GNB5: variants seen among roughly 807,000 people sequenced by gnomAD.
GNB5 encodes the protein guanine nucleotide-binding protein subunit beta-5.
Under a neutral mutation model 55.3 loss-of-function variants are expected in GNB5, and 37 were observed. The observed-to-expected ratio is 0.67, with a 90% CI of 0.51 to 0.88. GNB5 has a LOEUF of 0.88. GNB5 is among the 40% of genes least tolerant of loss of function. The probability of loss-of-function intolerance (pLI) is 0.00; values close to 1 mark genes in which losing one functional copy is unlikely to be tolerated. For missense variants in GNB5, 476 were observed against 515.3 expected (o/e 0.92, Z 0.74); for synonymous variants, 219 against 198.5 (o/e 1.10, Z -0.87).
intron 7 of GNB5, chr15:52,138,020 A>C (rs1284066431): frequency 8.7e-7 from 1 of 1,151,850 alleles, no homozygotes; most frequent in African/African-American, 1.6e-5. Flanking sequence ...CCACACCTTC[A>C]ATTTCCAGCT....
At chr15:52,125,748 C>A in intron 11 of GNB5, 200 bp downstream of exon 11, 1 of 556,430 alleles carries the variant, frequency 1.8e-6, no homozygotes, top group Non-Finnish European at 3.2e-6. Flanking sequence ...TCATTTCCCC[C>A]TGGAGTGAAG....
chr15:52,124,797 T>TC (rs1341621618), intron 11 of GNB5, 158 bp from the exon 12 acceptor site: 1 of 618,246 alleles, frequency 1.6e-6, no homozygotes, highest in East Asian at 2.7e-5. Flanking sequence ...GAAAGCACAG[T>TC]CCCTGTCCCT....
intron 3 of GNB5, among the ~76,000 whole-genome samples, chr15:52,157,642 C>T (rs1057356565): frequency 3.3e-5 from 5 of 152,080 alleles, no homozygotes; most frequent in African/African-American, 7.2e-5. Flanking sequence ...ATTGCTGCTT[C>T]CCCCAATTCA....
intron 2 of GNB5, among the ~76,000 whole-genome samples, chr15:52,183,635 G>GT (rs2034805176): frequency 6.6e-6 from 1 of 152,200 alleles, no homozygotes; most frequent in Non-Finnish European, 1.5e-5. Context: ...TAGATAAAAT[G>GT]TAAAAGTCAT....
chr15:52,133,431 G>C lies in GNB5; in HGVS notation c.810C>G (p.Ser270=). 1 of 1,613,184 alleles carries C rather than the reference G, an allele frequency of 6.2e-7. No individual in the cohort carries two copies. Among genetic ancestry groups the C allele is most frequent in the Non-Finnish European group, 8.5e-7 (1 of 1,179,118 alleles). ...TTTCAAAGGCCTGCACGCACTGGCC[G>C]GAGCGCATGTCCCACACCATGGCTT... ...DKKAMVWDMR[S]GQCVQAFETH... is the part of the protein sequence containing the mutation. Residue 270 remains serine (S), a synonymous_variant, in exon 9 of 13, where the codon TCC becomes TCG. Transcript: ENST00000261837.
chr15:52,189,956 T>C (rs2034895959), intron 1 of GNB5, among the ~76,000 whole-genome samples: 1 of 151,962 alleles, frequency 6.6e-6, no homozygotes, highest in Non-Finnish European at 1.5e-5. Flanking sequence ...AGTGGCTGCT[T>C]AAGGGGTATG....
chr15:52,139,490 G>C (rs2033802141), intron 7 of GNB5: 1 of 160,762 alleles, frequency 6.2e-6, no homozygotes, highest in Non-Finnish European at 1.4e-5. Context: ...AATAATAAGA[G>C]TTAACGCTTA....
chr15:52,151,541 A>G (rs917896127), intron 4 of GNB5, among the ~76,000 whole-genome samples: 11 of 152,174 alleles, frequency 7.2e-5, no homozygotes, highest in Admixed American at 5.9e-4. Flanking sequence ...GATGAGTCCA[A>G]GTCTGTTCCA....
chr15:52,178,820 A>G (rs1248258464), intron 3 of GNB5, among the ~76,000 whole-genome samples: 1 of 152,202 alleles, frequency 6.6e-6, no homozygotes, highest in Non-Finnish European at 1.5e-5. Context: ...CATAGAATGT[A>G]AAGGGTGGCA....
intron 6 of GNB5, among the ~76,000 whole-genome samples, chr15:52,146,017 C>T (rs994398901): frequency 2.1e-5 from 3 of 142,202 alleles, no homozygotes; most frequent in Non-Finnish European, 4.5e-5. Flanking sequence ...AGTGCAGTGG[C>T]GCGATCTTGG....
At chr15:52,142,141 C>T (rs62014722) in intron 6 of GNB5, among the ~76,000 whole-genome samples, 2 of 152,066 alleles carry the variant, frequency 1.3e-5, no homozygotes, top group Admixed American at 1.3e-4. Flanking sequence ...CTTCATGTCA[C>T]AAGGCTTGTA....
intron 7 of GNB5, chr15:52,138,357 T>C (rs1334650390): frequency 7.0e-6 from 1 of 142,978 alleles, no homozygotes; most frequent in African/African-American, 2.6e-5. Flanking sequence ...TACTCCAGCC[T>C]GGGCAACAGA....
At chr15:52,160,437 A>C (rs16964749) in intron 3 of GNB5, among the ~76,000 whole-genome samples, 22,228 of 151,590 alleles carry the variant, frequency 0.15, 1,739 homozygotes, top group South Asian at 0.24. Context: ...GAAGACTGGA[A>C]ACAACATGAC....
intron 3 of GNB5, among the ~76,000 whole-genome samples, chr15:52,161,023 TTG>T (rs1192504696): frequency 6.6e-6 from 1 of 152,204 alleles, no homozygotes; most frequent in African/African-American, 2.4e-5. Flanking sequence ...CCACCATTGA[TTG>T]TGTGTCTCCT....
At chr15:52,152,530 G>A (rs1377321325) in intron 4 of GNB5, among the ~76,000 whole-genome samples, 1 of 151,516 alleles carries the variant, frequency 6.6e-6, no homozygotes, top group Non-Finnish European at 1.5e-5. Flanking sequence ...TCACCATGTT[G>A]GCCAGGTTAG....
chr15:52,150,398 C>T (rs1266893692), intron 4 of GNB5, among the ~76,000 whole-genome samples: 1 of 152,188 alleles, frequency 6.6e-6, no homozygotes, highest in Non-Finnish European at 1.5e-5. Flanking sequence ...ATGGTCCCTG[C>T]GGCACCATCC....
In GNB5 at chr15:52,118,974, T is replaced by C. The variant is rs188907841; in HGVS notation, c.*3783A>G. The C allele has an allele frequency of 3.5e-5, 5 of 144,320 alleles. No homozygotes were observed. Among genetic ancestry groups the C allele is most frequent in the East Asian group, 4.2e-4 (2 of 4,808 alleles). 8.9% of individuals were successfully genotyped at this position (144,320 alleles called of 1,614,324 possible). A position where few individuals can be genotyped will look rare whatever the true frequency, so the allele number is the denominator to read the frequency against. ...ACTGATGAGAATTACTAATTTGCTA[T>C]ATGAGTGGGGGCTGCCTATGGATGG... On this transcript the variant is annotated 3_prime_UTR_variant, in exon 13 of 13. Coordinates refer to ENST00000261837, the MANE Select transcript of GNB5 (RefSeq NM_016194.4).
chr15:52,176,848 C>T (rs969903649), intron 3 of GNB5, among the ~76,000 whole-genome samples: 2 of 152,106 alleles, frequency 1.3e-5, no homozygotes, highest in Non-Finnish European at 2.9e-5. Context: ...TCCCAACTCA[C>T]TGGGAGTAAG....
At chr15:52,137,019 C>T (rs781764328) in intron 7 of GNB5, 9 of 454,254 alleles carry the variant, frequency 2.0e-5, no homozygotes, top group Middle Eastern at 6.8e-4. Flanking sequence ...AAAGACTGTT[C>T]GCTTGCTGGG....
Sources: allele counts gnomAD v4.1 joint callset (sites outside exome capture counted in the v4.1 genomes callset), GRCh38; gene constraint gnomAD v4.1.1; transcripts MANE v1.5; gene names NCBI Gene and HGNC (gene_info 2026-07-23, HGNC 2026-07-21).